LRFN2: variants seen among roughly 807,000 people sequenced by gnomAD.
LRFN2 encodes the protein leucine rich repeat and fibronectin type III domain containing 2.
Under a neutral mutation model 37.3 loss-of-function variants are expected in LRFN2, and 18 were observed. That is an observed-to-expected ratio of 0.48 (90% CI 0.33 to 0.72). LRFN2 has a LOEUF of 0.72. Among genes scored for constraint, LRFN2 ranks in the 30% least tolerant of loss-of-function variants. LRFN2 has a pLI of 0.02. For missense variants in LRFN2, 1,006 were observed against 1,060.7 expected (o/e 0.95, Z 0.72); for synonymous variants, 556 against 466.6 (o/e 1.19, Z -2.47).
chr6:40,540,654 A>T (rs6909218), intron 1 of LRFN2, among the ~76,000 whole-genome samples: 1 of 152,010 alleles, frequency 6.6e-6, no homozygotes, highest in Admixed American at 6.5e-5. Context: ...AGAAAACACA[A>T]TGGGGTTTTC....
Position 40,392,211 on chromosome 6 carries a change from G to C in LRFN2, c.2102C>G (p.Pro701Arg). 3 of 1,569,056 alleles carry C rather than the reference G, an allele frequency of 1.9e-6. No individual in the cohort carries two copies. Among genetic ancestry groups the C allele is most frequent in the Non-Finnish European group, 2.6e-6 (3 of 1,158,654 alleles). Reference protein sequence around the residue: ...HHSDREPLLGPPAARARSLLP... With the variant: ...HHSDREPLLGRPAARARSLLP... ...CAGGCTCCTGGCCCGGGCCGCAGGG[G>C]GCCCCAGCAGTGGCTCTCGGTCCGA... is the stretch of plus-strand genomic sequence containing the variant. Residue 701 changes from proline to arginine, a missense_variant, in exon 3 of 3, where the codon CCC (proline) becomes CGC (arginine). By Grantham distance (103) the Pro-to-Arg change is moderately radical. Transcript: ENST00000338305. This position sits in a 1 kb window ranked among gnomAD's most constrained non-coding sequence, Gnocchi z 4.7.
intron 2 of LRFN2, among the ~76,000 whole-genome samples, chr6:40,420,598 C>T (rs926665159): frequency 9.9e-5 from 15 of 152,242 alleles, no homozygotes; most frequent in African/African-American, 2.7e-4. Context: ...GGCCATCATA[C>T]GCCTCCCCAA....
intron 1 of LRFN2, among the ~76,000 whole-genome samples, chr6:40,483,168 AG>A (rs1359573886): frequency 2.0e-5 from 3 of 152,260 alleles, no homozygotes; most frequent in Non-Finnish European, 4.4e-5. Flanking sequence ...ACTTACTTTA[AG>A]GGTTGTTGTG....
intron 2 of LRFN2, among the ~76,000 whole-genome samples, chr6:40,406,927 G>T (rs1238233676): frequency 6.6e-6 from 1 of 152,154 alleles, no homozygotes. Flanking sequence ...CTCTTTGGGG[G>T]TTCTCAGTAG....
chr6:40,495,043 C>T (rs957867687), intron 1 of LRFN2, among the ~76,000 whole-genome samples: 13 of 152,220 alleles, frequency 8.5e-5, no homozygotes, highest in Non-Finnish European at 1.3e-4. Context: ...GCATCTAGAG[C>T]CCTCTAGGGA....
At chr6:40,536,862 A>G (rs976294232) in intron 1 of LRFN2, among the ~76,000 whole-genome samples, 2 of 152,310 alleles carry the variant, frequency 1.3e-5, no homozygotes, top group Non-Finnish European at 2.9e-5. Flanking sequence ...ATAATCATGG[A>G]TGCAGTCACC....
chr6:40,574,069 A>G (rs1767233343), intron 1 of LRFN2, among the ~76,000 whole-genome samples: 1 of 152,152 alleles, frequency 6.6e-6, no homozygotes, highest in African/African-American at 2.4e-5. Context: ...CTTGGAGCAA[A>G]TCTCATTGAT....
At chr6:40,402,661 A>T (rs545457056) in intron 2 of LRFN2, among the ~76,000 whole-genome samples, 56 of 152,326 alleles carry the variant, frequency 3.7e-4, no homozygotes, top group African/African-American at 1.3e-3. Flanking sequence ...GCTCTCACAG[A>T]GAGGAGGATT....
Position 40,550,694 on chromosome 6 carries a change from A to G in LRFN2, c.-19+36247T>C, listed in dbSNP as rs114527729. 8.3e-3 allele frequency among the ~76,000 whole-genome samples: 1,255 copies of G among 151,292 alleles called. 19 individuals carry two copies. Among genetic ancestry groups the G allele is most frequent in the African/African-American group, 0.029 (1,189 of 41,374 alleles). On this transcript the variant is annotated intron_variant, in intron 1 of 2. Coordinates refer to ENST00000338305, the MANE Select transcript of LRFN2 (RefSeq NM_020737.3). ...ATAGTTTTGTTTGCTTTTTTTTGCA[A>G]TTTTCATATTCTTTCTCCACTGGTG...
intron 1 of LRFN2, among the ~76,000 whole-genome samples, chr6:40,464,797 C>G (rs983252628): frequency 6.6e-6 from 1 of 152,192 alleles, no homozygotes; most frequent in African/African-American, 2.4e-5. Flanking sequence ...AAACCAATCT[C>G]GGATGGGAGC....
At chr6:40,561,502 A>G (rs914654994) in intron 1 of LRFN2, among the ~76,000 whole-genome samples, 3 of 152,174 alleles carry the variant, frequency 2.0e-5, no homozygotes, top group Non-Finnish European at 4.4e-5. Flanking sequence ...CCTACTGGGC[A>G]AACAAGCAGG....
intron 1 of LRFN2, among the ~76,000 whole-genome samples, chr6:40,577,870 A>G (rs1205367685): frequency 6.6e-6 from 1 of 151,910 alleles, no homozygotes; most frequent in African/African-American, 2.4e-5. Context: ...CTTTCCCACC[A>G]CTAGGAGCAG....
intron 1 of LRFN2, among the ~76,000 whole-genome samples, chr6:40,457,637 T>TAAAAAA (rs70984171): frequency 3.9e-5 from 4 of 101,394 alleles, no homozygotes; most frequent in East Asian, 6.1e-4. Flanking sequence ...AGACCCTGTT[T>TAAAAAA]AAAAAAAAAA....
In LRFN2 at chr6:40,431,960, C is replaced by T. The variant is rs371551101; in HGVS notation, c.1154G>A (p.Ser385Asn). ...SIVQLPHLSN[S>N]TSRTAPPKSR... ...CTTGGGGGGTGCAGTGCGGCTGGTGCTGTTGCTGAGGTGTGGCAGCTGGAC... is the reference window on the plus strand; with the variant it reads ...CTTGGGGGGTGCAGTGCGGCTGGTGTTGTTGCTGAGGTGTGGCAGCTGGAC... Residue 385 changes from serine (S) to asparagine (N), a missense_variant, in exon 2 of 3, where the codon AGC (serine) becomes AAC (asparagine). Coordinates refer to ENST00000338305, the MANE Select transcript of LRFN2 (RefSeq NM_020737.3). 1.9e-6 allele frequency: 3 copies of T among 1,613,470 alleles called. No individual in the cohort carries two copies. Among genetic ancestry groups the T allele is most frequent in the South Asian group, 1.1e-5 (1 of 91,080 alleles).
chr6:40,471,470 ACTGC>A lies in LRFN2; in HGVS notation c.-18-38343_-18-38340del, dbSNP rs201658325. Among the ~76,000 whole-genome samples, 272 of 152,264 alleles carry A rather than the reference ACTGC, an allele frequency of 1.8e-3. 4 individuals carry two copies. The East Asian group carries it at 0.024, about 13-fold the overall frequency. On this transcript the variant is annotated intron_variant, in intron 1 of 2. Transcript: ENST00000338305. ...GAAATCTCTCCCCAGTACACACTGA[ACTGC>A]CCTGGGAGAGGTGGTGTGGCATGCT...
At chr6:40,586,649 C>G (rs1216195680) in intron 1 of LRFN2, among the ~76,000 whole-genome samples, 1 of 152,176 alleles carries the variant, frequency 6.6e-6, no homozygotes, top group African/African-American at 2.4e-5. Flanking sequence ...CCGTGGCTCC[C>G]CGTCTCTCCA....
At chr6:40,476,555 C>T (rs572534144) in intron 1 of LRFN2, among the ~76,000 whole-genome samples, 5 of 152,364 alleles carry the variant, frequency 3.3e-5, no homozygotes, top group African/African-American at 9.6e-5. Flanking sequence ...GTCAAACTTG[C>T]TGTTTCCCAT....
At chr6:40,412,069 T>C (rs1050204991) in intron 2 of LRFN2, among the ~76,000 whole-genome samples, 4 of 152,122 alleles carry the variant, frequency 2.6e-5, no homozygotes, top group African/African-American at 9.7e-5. Flanking sequence ...TGGTCGGATA[T>C]CTAAAAGCAC....
intron 1 of LRFN2, among the ~76,000 whole-genome samples, chr6:40,486,756 T>C (rs116481438): frequency 1.3e-5 from 2 of 152,228 alleles, no homozygotes; most frequent in Non-Finnish European, 2.9e-5. Flanking sequence ...CGCTACAGAA[T>C]CCCACAAGGG....
Sources: gnomAD v4.1 joint callset for allele counts (sites outside exome capture counted in the v4.1 genomes callset) on GRCh38, gnomAD v4.1.1 for gene constraint, Gnocchi (gnomAD v3.1) non-coding constraint, MANE v1.5 for transcripts, NCBI Gene and HGNC (gene_info 2026-07-23, HGNC 2026-07-21) for gene names.